The following CCT4 variants were observed in gnomAD, a reference collection of about 807,000 sequenced individuals.
CCT4 encodes the protein chaperonin containing TCP1 subunit 4, also known as T-complex protein 1 subunit delta.
CCT4 carries 17 observed loss-of-function variants against 62.5 expected under a neutral mutation model. The ratio of observed to expected loss-of-function variants is 0.27; its 90% CI spans 0.19 to 0.41. The LOEUF is 0.41. Ranked by LOEUF, CCT4 falls within the 10% of genes least tolerant of loss-of-function variation. CCT4 has a pLI of 1.00. For missense variants in CCT4, 592 were observed against 659.2 expected, an observed-to-expected ratio of 0.90 and a Z score of 1.12; for synonymous variants, 250 against 229.9, an observed-to-expected ratio of 1.09 and a Z score of -0.79.
intron 3 of CCT4, among the ~76,000 whole-genome samples, chr2:61,881,277 A>G (rs1022477724): frequency 8.5e-5 from 13 of 152,126 alleles, no homozygotes; most frequent in Non-Finnish European, 1.8e-4. Flanking sequence ...CAACATTTTA[A>G]TAGCAATATT....
chr2:61,878,963 T>C lies in CCT4; in HGVS notation c.428A>G (p.Lys143Arg), dbSNP rs1440487575. The change falls in exon 5 of 14, where the codon AAG (lysine) becomes AGG (arginine). Residue 143 changes from lysine (K) to arginine (R), a missense_variant. Physicochemically the swap from Lys to Arg is conservative, Grantham distance 26. Around this residue, in one of 3 missense-constraint regions of CCT4, gnomAD observed 522 missense variants for 571.2 expected, o/e 0.91. Transcript: ENST00000394440. ...ISESFQKALEKGIEILTDMSR... is the reference protein window; with the variant it reads ...ISESFQKALERGIEILTDMSR... ...CATGTCAGTCAAGATTTCAATGCCC[T>C]TTTCCAGGGCCTTCTGGAATGACTC... 1.1e-5 allele frequency: 18 copies of C among 1,608,852 alleles called. No homozygotes were observed. Among genetic ancestry groups the C allele is most frequent in the Admixed American group, 6.8e-5 (4 of 59,122 alleles).
intron 12 of CCT4, among the ~76,000 whole-genome samples, chr2:61,869,891 C>CA (rs1668849006): frequency 6.6e-6 from 1 of 150,990 alleles, no homozygotes; most frequent in South Asian, 2.1e-4. Context: ...CTTGGCCTCC[C>CA]AAAGTGCTGG....
At chr2:61,875,698 C>G (rs946973362) in intron 8 of CCT4, among the ~76,000 whole-genome samples, 1 of 151,712 alleles carries the variant, frequency 6.6e-6, no homozygotes, top group Non-Finnish European at 1.5e-5. Flanking sequence ...AGCCAATAAT[C>G]GAAGAAATAA....
Position 61,880,385 on chromosome 2 carries a change from G to A in CCT4, c.280C>T (p.Leu94=). ...GCTTCTATATCTTGAGCCTTAGACA[G>A]CTCCACCAGCTAAGTGAACAGAAAA... ...LHPAARMLVE[L]SKAQDIEAGD... The change falls in exon 4 of 14, where the codon CTG becomes TTG. Residue 94 remains leucine (L), a synonymous_variant. Transcript: ENST00000394440. The A allele has an allele frequency of 6.3e-7, 1 of 1,592,584 alleles. No individual in the cohort carries two copies. The highest frequency in any genetic ancestry group is 1.3e-5 in the African/African-American group (1 of 74,078).
At chr2:61,885,457 C>G (rs1669229315) in intron 1 of CCT4, among the ~76,000 whole-genome samples, 1 of 152,248 alleles carries the variant, frequency 6.6e-6, no homozygotes, top group Admixed American at 6.5e-5. Context: ...TGTCACAAGG[C>G]TAGAGTGCAG....
intron 3 of CCT4, among the ~76,000 whole-genome samples, chr2:61,883,019 C>A (rs375514860): frequency 6.6e-6 from 1 of 152,254 alleles, no homozygotes; most frequent in African/African-American, 2.4e-5. Flanking sequence ...GTTAGGCACA[C>A]AATGTATCCT....
At chr2:61,872,699 G>A (rs1401104324) in intron 10 of CCT4, 111 bp from the exon 11 acceptor site, 57 of 1,069,866 alleles carry the variant, frequency 5.3e-5, no homozygotes, top group Non-Finnish European at 6.7e-5. Flanking sequence ...AGGATGAGGC[G>A]GGTGGCTAAC....
chr2:61,870,288 A>G (rs1033940625), intron 12 of CCT4, among the ~76,000 whole-genome samples: 2 of 152,104 alleles, frequency 1.3e-5, no homozygotes, highest in Non-Finnish European at 2.9e-5. Context: ...AAAACAAAAC[A>G]AAACAAAATA....
intron 12 of CCT4, among the ~76,000 whole-genome samples, chr2:61,870,799 G>A (rs1345249729): frequency 1.3e-5 from 2 of 152,066 alleles, no homozygotes; most frequent in Non-Finnish European, 2.9e-5. Flanking sequence ...GTGGGCGCCT[G>A]TAGTCCCAGC....
chr2:61,871,462 C>A (rs138256695), intron 12 of CCT4, among the ~76,000 whole-genome samples: 178 of 152,214 alleles, frequency 1.2e-3, no homozygotes, highest in African/African-American at 3.9e-3. Context: ...CACTGCTTAC[C>A]CATCTGGAAT....
chr2:61,888,181 G>T, intron 1 of CCT4, 200 bp downstream of exon 1: 2 of 612,574 alleles, frequency 3.3e-6, no homozygotes, highest in Non-Finnish European at 5.5e-6. Flanking sequence ...AATGGGGCAA[G>T]TCCAAAGGCC....
rs1242359404 is a variant in CCT4, at chr2:61,869,443, A to G, written c.1602T>C (p.Asp534=). Residue 534 remains aspartate, a synonymous_variant, in exon 13 of 14, where the codon GAT becomes GAC. Transcript: ENST00000394440. ...ETVRSILKID[D]VVNTR is the part of the protein sequence containing the mutation. ...TTTGCAACCTGGAAACACTTACCAC[A>G]TCATCTATTTTCAGAATGCTCCGAA... 6.4e-7 allele frequency: 1 copy of G among 1,573,748 alleles called. No homozygotes were observed. Among genetic ancestry groups the G allele is most frequent in the South Asian group, 1.1e-5 (1 of 90,264 alleles).
At chr2:61,886,903 G>C (rs535491490) in intron 1 of CCT4, among the ~76,000 whole-genome samples, 2 of 152,016 alleles carry the variant, frequency 1.3e-5, no homozygotes, top group African/African-American at 4.8e-5. Flanking sequence ...GGGACTACAG[G>C]CCTACGCCAA....
intron 3 of CCT4, among the ~76,000 whole-genome samples, chr2:61,881,928 A>G (rs1255699477): frequency 6.8e-6 from 1 of 147,806 alleles, no homozygotes; most frequent in Non-Finnish European, 1.5e-5. Flanking sequence ...TTTTTTTGAT[A>G]GAAGTTCCTT....
chr2:61,872,308 A>G lies in CCT4; in HGVS notation c.1265T>C (p.Ile422Thr), dbSNP rs928829266. The G allele has an allele frequency of 1.3e-6, 2 of 1,592,100 alleles. No individual in the cohort carries two copies. The highest frequency in any genetic ancestry group is 1.7e-6 in the Non-Finnish European group (2 of 1,165,110). ...TATTTCTGGAGCACCACCTCCTGCA[A>G]TAAGAGCCCTGAAATTCACAAATAT... ...IRCLVKKRAL[I>T]AGGGAPEIEL... Residue 422 changes from isoleucine to threonine, a missense_variant, in exon 12 of 14, where the codon ATT becomes ACT. By Grantham distance (89) the Ile-to-Thr change is moderately conservative. This residue lies in a region of CCT4 where 522 missense variants were observed against 571.2 expected (regional missense o/e 0.91). Coordinates refer to ENST00000394440, the MANE Select transcript of CCT4 (RefSeq NM_006430.4).
Position 61,880,822 on chromosome 2 carries a change from CA to C in CCT4, c.271-429del, listed in dbSNP as rs946458805. 1.8e-4 allele frequency among the ~76,000 whole-genome samples: 28 copies of C among 152,126 alleles called. 1 individual carries two copies. The highest frequency in any genetic ancestry group is 8.5e-4 in the Admixed American group (13 of 15,260). On this transcript the variant is annotated intron_variant, in intron 3 of 13. Coordinates refer to ENST00000394440, the MANE Select transcript of CCT4 (RefSeq NM_006430.4). Reference sequence around the variant, plus strand: ...CTGGGCTCAAGAGATCCTCCTGTCTCAGTCTCCCGAGTAGCTGGGGCTATAG... The same window carrying C: ...CTGGGCTCAAGAGATCCTCCTGTCTCGTCTCCCGAGTAGCTGGGGCTATAG...
At chr2:61,880,569 G>A (rs1328491664) in intron 3 of CCT4, among the ~76,000 whole-genome samples, 175 bp from the exon 4 acceptor site, 2 of 152,182 alleles carry the variant, frequency 1.3e-5, no homozygotes, top group South Asian at 2.1e-4. Flanking sequence ...ACTAGTAGAT[G>A]ATCTCCAGTT....
At position 61,879,978 on chromosome 2, in the gene CCT4, T is replaced by G. The variant is rs556216933; in HGVS notation, c.379+308A>C. ...CCTGACCTCAGGGGATCCACCCACC[T>G]TGGCCTCTCAAAGTGCTGGAATTAC... On this transcript the variant is annotated intron_variant, in intron 4 of 13. Transcript: ENST00000394440. 4.6e-5 allele frequency among the ~76,000 whole-genome samples: 7 copies of G among 152,222 alleles called. No individual in the cohort carries two copies. In the East Asian group the frequency reaches 1.3e-3, roughly 29 times the overall value.
chr2:61,878,862 G>C lies in CCT4; in HGVS notation c.522+7C>G. On this transcript the variant is annotated splice_region_variant and intron_variant, in intron 5 of 13. Coordinates refer to ENST00000394440, the MANE Select transcript of CCT4 (RefSeq NM_006430.4). ...ATTTGACAAGTATCCGTTAGTGTTT[G>C]TCTCACCTTTGAGTTCAGTGAAGTG... 6.3e-7 allele frequency: 1 copy of C among 1,599,070 alleles called. No homozygotes were observed. The highest frequency in any genetic ancestry group is 8.5e-7 in the Non-Finnish European group (1 of 1,170,748).
Sources: allele counts gnomAD v4.1 joint callset (sites outside exome capture counted in the v4.1 genomes callset), GRCh38; gene constraint gnomAD v4.1.1; regional missense constraint gnomAD v4.1.1; transcripts MANE v1.5; gene names NCBI Gene and HGNC (gene_info 2026-07-23, HGNC 2026-07-21).